Variants in TAF1B observed in about 807,000 individuals in gnomAD.
TAF1B encodes the protein TATA box-binding protein-associated factor RNA polymerase I subunit B.
Under a neutral mutation model 83.9 loss-of-function variants are expected in TAF1B, and 61 were observed. That is an observed-to-expected ratio of 0.73 (90% CI 0.59 to 0.90). TAF1B has a LOEUF of 0.90. TAF1B is among the 40% of genes least tolerant of loss of function. The pLI is 0.00. For missense variants in TAF1B, 625 were observed against 677.0 expected (o/e 0.92, Z 0.85); for synonymous variants, 221 against 224.6 (o/e 0.98, Z 0.14).
At chr2:9,882,166 C>T (rs941706272) in intron 7 of TAF1B, among the ~76,000 whole-genome samples, 2 of 151,328 alleles carry the variant, frequency 1.3e-5, no homozygotes, top group Non-Finnish European at 2.9e-5. Context: ...AGTGCAGTGG[C>T]GTTAGCTCAC....
At chr2:9,855,929 G>A (rs1269373405) in intron 5 of TAF1B, among the ~76,000 whole-genome samples, 1 of 152,170 alleles carries the variant, frequency 6.6e-6, no homozygotes, top group Non-Finnish European at 1.5e-5. Flanking sequence ...CATATTGCTT[G>A]CACCGTAGTA....
intron 1 of TAF1B, 130 bp downstream of exon 1, chr2:9,843,689 G>C (rs1342094538): frequency 2.6e-5 from 28 of 1,083,256 alleles, no homozygotes; most frequent in Non-Finnish European, 3.4e-5. Flanking sequence ...GGGGCGGAGG[G>C]CTGCAGGGCG....
intron 14 of TAF1B, among the ~76,000 whole-genome samples, chr2:9,923,745 C>A (rs1394731941): frequency 6.6e-6 from 1 of 152,204 alleles, no homozygotes; most frequent in Non-Finnish European, 1.5e-5. Flanking sequence ...GGCCAGAACC[C>A]CAACCCAGGG....
At chr2:9,868,218 G>T in intron 5 of TAF1B, 58 bp from the exon 6 acceptor site, 9 of 1,521,714 alleles carry the variant, frequency 5.9e-6, no homozygotes, top group African/African-American at 1.4e-5. Flanking sequence ...TAAGTTCACA[G>T]AAATTAACTG....
rs915110819 is a variant in TAF1B, at chr2:9,914,772, T to A, written c.1271+1523T>A. On this transcript the variant is annotated intron_variant, in intron 12 of 14. Coordinates refer to ENST00000263663, the MANE Select transcript of TAF1B (RefSeq NM_005680.3). This position sits in a 1 kb window ranked among gnomAD's most constrained non-coding sequence, Gnocchi z 4.3. ...GGGGACCCGTTTCCAAGGTCCTTCT[T>A]CCTAGAGTATGTGCTGAGGGCTGAC... Among the ~76,000 whole-genome samples, 1 of 152,144 alleles carries A rather than the reference T, an allele frequency of 6.6e-6. No homozygotes were observed. The highest frequency in any genetic ancestry group is 1.5e-5 in the Non-Finnish European group (1 of 68,030).
chr2:9,918,899 T>C (rs1309989938), intron 12 of TAF1B, 142 bp from the exon 13 acceptor site: 6 of 692,338 alleles, frequency 8.7e-6, no homozygotes, highest in Non-Finnish European at 1.5e-5. Flanking sequence ...CTAAGTTCAA[T>C]AGGCAATATA....
At chr2:9,861,791 T>C (rs563440950) in intron 5 of TAF1B, among the ~76,000 whole-genome samples, 1 of 152,118 alleles carries the variant, frequency 6.6e-6, no homozygotes, top group Admixed American at 6.5e-5. Flanking sequence ...GGTTCACCAA[T>C]ATCCGCTGTT....
intron 1 of TAF1B, 67 bp from the exon 2 acceptor site, chr2:9,845,153 A>G (rs1320795989): frequency 1.4e-5 from 16 of 1,172,458 alleles, no homozygotes; most frequent in African/African-American, 3.0e-5. Flanking sequence ...ATAGAACTGC[A>G]AGGTTTAGGT....
chr2:9,901,186 G>A lies in TAF1B; in HGVS notation c.808-3673G>A, dbSNP rs192915205. 3.7e-4 allele frequency among the ~76,000 whole-genome samples: 57 copies of A among 152,222 alleles called. 1 individual carries two copies. In the South Asian group the frequency reaches 0.011, roughly 28 times the overall value. ...GACTGGTTAAAAGAAAATGGGATAG[G>A]ATTGAAAACCTTTAGCCACCTTTAA... On this transcript the variant is annotated intron_variant, in intron 8 of 14. Coordinates refer to ENST00000263663, the MANE Select transcript of TAF1B (RefSeq NM_005680.3).
At chr2:9,858,847 T>A (rs1663651848) in intron 5 of TAF1B, among the ~76,000 whole-genome samples, 1 of 152,212 alleles carries the variant, frequency 6.6e-6, no homozygotes, top group Admixed American at 6.5e-5. Flanking sequence ...AACTGAGCCC[T>A]GGACCTGGCC....
At chr2:9,897,401 A>G (rs1342235211) in intron 8 of TAF1B, among the ~76,000 whole-genome samples, 1 of 152,236 alleles carries the variant, frequency 6.6e-6, no homozygotes, top group African/African-American at 2.4e-5. Context: ...AGTCCTCTCA[A>G]GAATTAGTCA....
intron 14 of TAF1B, among the ~76,000 whole-genome samples, chr2:9,920,492 G>A (rs913378143): frequency 6.7e-6 from 1 of 149,992 alleles, no homozygotes; most frequent in Non-Finnish European, 1.5e-5. Context: ...CTCATGTTTA[G>A]ATTCAGGTTC....
upstream of TAF1B, chr2:9,843,444 C>T (rs954199892): frequency 1.4e-5 from 19 of 1,400,456 alleles, no homozygotes; most frequent in South Asian, 1.6e-4. Flanking sequence ...AGGCGCGGAT[C>T]TCGCGTTTCC....
At chr2:9,884,440 G>C (rs1391826870) in intron 8 of TAF1B, among the ~76,000 whole-genome samples, 1 of 152,232 alleles carries the variant, frequency 6.6e-6, no homozygotes, top group Non-Finnish European at 1.5e-5. Context: ...TTCGTGTCCT[G>C]CAACCAGGAA....
intron 3 of TAF1B, among the ~76,000 whole-genome samples, chr2:9,850,025 A>ATGTG (rs1214773230): frequency 1.2e-4 from 14 of 119,062 alleles, no homozygotes; most frequent in South Asian, 5.2e-4. Flanking sequence ...ATATATATAT[A>ATGTG]TATGTGTGTG....
chr2:9,869,056 G>T (rs905094514), intron 6 of TAF1B, among the ~76,000 whole-genome samples: 2 of 152,138 alleles, frequency 1.3e-5, no homozygotes, highest in Admixed American at 1.3e-4. Context: ...GGAATTTCTG[G>T]AGTTTTCTTC....
At chr2:9,890,333 A>G (rs1294241047) in intron 8 of TAF1B, among the ~76,000 whole-genome samples, 6 of 152,158 alleles carry the variant, frequency 3.9e-5, no homozygotes, top group Non-Finnish European at 7.3e-5. Flanking sequence ...ATGGTTGGTA[A>G]TCCTTCATGG....
At chr2:9,923,538 A>G (rs11692895) in intron 14 of TAF1B, among the ~76,000 whole-genome samples, 42,306 of 151,758 alleles carry the variant, frequency 0.28, 6,486 homozygotes, top group African/African-American at 0.41. Context: ...AATTAGCTGG[A>G]TGTGGTGGCG....
rs551161024 is a variant in TAF1B at position 9,870,462 on chromosome 2, G to C, written c.553+2033G>C. On this transcript the variant is annotated intron_variant, in intron 6 of 14. Coordinates refer to ENST00000263663, the MANE Select transcript of TAF1B (RefSeq NM_005680.3). ...TGATCATCCCACTGCACTCTAGCCC[G>C]GCCGACGGAGCAAAACCTTGTCTTA... Among the ~76,000 whole-genome samples, 188 of 152,222 alleles carry C rather than the reference G, an allele frequency of 1.2e-3. 1 individual carries two copies. The highest frequency in any genetic ancestry group is 4.2e-3 in the African/African-American group (175 of 41,522).
Sources: gnomAD v4.1 joint callset for allele counts (sites outside exome capture counted in the v4.1 genomes callset) on GRCh38, gnomAD v4.1.1 for gene constraint, Gnocchi (gnomAD v3.1) non-coding constraint, MANE v1.5 for transcripts, NCBI Gene and HGNC (gene_info 2026-07-23, HGNC 2026-07-21) for gene names.